The following BBX variants were observed in gnomAD, a reference collection of about 807,000 sequenced individuals.
The protein encoded by BBX is HMG box transcription factor BBX.
BBX carries 30 observed loss-of-function variants against 100.2 expected under a neutral mutation model. The observed-to-expected ratio is 0.30, with a 90% CI of 0.22 to 0.41. BBX has a LOEUF of 0.41. Ranked by LOEUF, BBX falls within the 10% of genes least tolerant of loss-of-function variation. The probability of loss-of-function intolerance (pLI) is 1.00; values close to 1 mark genes in which losing one functional copy is unlikely to be tolerated. For missense variants in BBX, 1,023 were observed against 1,129.8 expected, an observed-to-expected ratio of 0.91 and a Z score of 1.35; for synonymous variants, 376 against 388.1, an observed-to-expected ratio of 0.97 and a Z score of 0.37.
chr3:107,627,481 A>C (rs145856440), intron 2 of BBX, among the ~76,000 whole-genome samples: 2 of 152,342 alleles, frequency 1.3e-5, no homozygotes, highest in African/African-American at 4.8e-5. Context: ...AGTAGCAATT[A>C]GTTTTGAGGC....
At chr3:107,797,085 A>G (rs1576860095) in intron 15 of BBX, among the ~76,000 whole-genome samples, 1 of 152,102 alleles carries the variant, frequency 6.6e-6, no homozygotes, top group African/African-American at 2.4e-5. Flanking sequence ...CCACTTGTTT[A>G]GGAATGTGAA....
intron 2 of BBX, among the ~76,000 whole-genome samples, chr3:107,576,986 G>A (rs967914617): frequency 1.3e-5 from 2 of 151,996 alleles, no homozygotes; most frequent in African/African-American, 4.8e-5. Context: ...TCAGCCTCCT[G>A]AGTAGCTGGG....
chr3:107,598,621 C>A (rs1156810732), intron 2 of BBX, among the ~76,000 whole-genome samples: 3 of 152,166 alleles, frequency 2.0e-5, no homozygotes, highest in Non-Finnish European at 4.4e-5. Flanking sequence ...TATATTAATT[C>A]TTTAGTTTTA....
rs531730115 is a variant in BBX, at chr3:107,694,831, C to T, written c.-9-15621C>T. Among the ~76,000 whole-genome samples the T allele has an allele frequency of 5.9e-5, 9 of 151,682 alleles. 1 individual carries two copies. Among genetic ancestry groups the T allele is most frequent in the African/African-American group, 1.9e-4 (8 of 41,038 alleles). On this transcript the variant is annotated intron_variant, in intron 3 of 17. Transcript: ENST00000325805. ...CTGTGAATCCATCTGGTCCTGGACT[C>T]TTTTTGGTTGGTAAGCTATTGATTA...
intron 2 of BBX, among the ~76,000 whole-genome samples, chr3:107,613,953 T>TG (rs1331273328): frequency 1.5e-5 from 2 of 130,382 alleles, no homozygotes; most frequent in African/African-American, 5.8e-5. Flanking sequence ...TTTTTTTTTT[T>TG]TTTTTTTTTT....
intron 17 of BBX, among the ~76,000 whole-genome samples, chr3:107,804,810 TC>T (rs2070917050): frequency 6.7e-6 from 1 of 148,666 alleles, no homozygotes; most frequent in South Asian, 2.1e-4. Flanking sequence ...GTTTCTTCAT[TC>T]CTTTTTTTTT....
chr3:107,621,092 CCA>C (rs986488876), intron 2 of BBX, among the ~76,000 whole-genome samples: 3 of 152,028 alleles, frequency 2.0e-5, no homozygotes, highest in African/African-American at 7.2e-5. Flanking sequence ...TGGTGAAGGG[CCA>C]CAGTTTTTTT....
At chr3:107,801,389 G>A in intron 17 of BBX, 108 bp downstream of exon 17, 1 of 1,208,796 alleles carries the variant, frequency 8.3e-7, no homozygotes, top group Non-Finnish European at 1.1e-6. Context: ...CTTGGTTCAA[G>A]AGCACTATTG....
At chr3:107,696,738 T>C (rs1412848312) in intron 3 of BBX, among the ~76,000 whole-genome samples, 1 of 151,608 alleles carries the variant, frequency 6.6e-6, no homozygotes, top group African/African-American at 2.4e-5. Context: ...AATCTGAATG[T>C]TGGCCTGCCT....
chr3:107,778,601 A>T (rs927237195), intron 13 of BBX, 82 bp downstream of exon 13: 1 of 1,434,452 alleles, frequency 7.0e-7, no homozygotes, highest in Non-Finnish European at 9.5e-7. Flanking sequence ...CCCTTTAGAC[A>T]TATCATTGGA....
intron 2 of BBX, among the ~76,000 whole-genome samples, chr3:107,625,626 A>T (rs2056112940): frequency 6.6e-6 from 1 of 152,036 alleles, no homozygotes; most frequent in Non-Finnish European, 1.5e-5. Context: ...AACATCAGTT[A>T]TTTTTTTGTA....
intron 9 of BBX, among the ~76,000 whole-genome samples, chr3:107,754,998 G>C (rs1212562056): frequency 6.6e-6 from 1 of 152,194 alleles, no homozygotes; most frequent in African/African-American, 2.4e-5. Context: ...GTTATGTACT[G>C]CAACACAGCA....
rs562318752 is a variant in BBX, at chr3:107,805,653, G to C, written c.*196G>C. Reference sequence around the variant, plus strand: ...TTCTCTCAGAACCCAGAATCTTTGAGGGTAAGGTTATCTGTCTGATACTGA... The same window carrying C: ...TTCTCTCAGAACCCAGAATCTTTGACGGTAAGGTTATCTGTCTGATACTGA... On this transcript the variant is annotated 3_prime_UTR_variant, in exon 18 of 18. Transcript: ENST00000325805. 92 of 1,031,616 alleles carry C rather than the reference G, an allele frequency of 8.9e-5. 1 individual carries two copies. In the South Asian group the frequency reaches 1.5e-3, roughly 17 times the overall value. The allele number at this position is 1,031,616 out of a possible 1,614,324, so 63.9% of individuals were successfully genotyped here.
At chr3:107,696,084 G>T (rs1347794361) in intron 3 of BBX, among the ~76,000 whole-genome samples, 1 of 151,700 alleles carries the variant, frequency 6.6e-6, no homozygotes, top group Non-Finnish European at 1.5e-5. Flanking sequence ...TTGAGCCTAT[G>T]TGTGTCTCTG....
chr3:107,530,054 T>C (rs1559778202), intron 2 of BBX, among the ~76,000 whole-genome samples: 1 of 152,166 alleles, frequency 6.6e-6, no homozygotes, highest in Non-Finnish European at 1.5e-5. Context: ...TTCGAGAATC[T>C]AGATAGTGAA....
chr3:107,698,014 T>A (rs1377338907), intron 3 of BBX, among the ~76,000 whole-genome samples: 1 of 151,944 alleles, frequency 6.6e-6, no homozygotes, highest in Non-Finnish European at 1.5e-5. Flanking sequence ...CCCTGACCCC[T>A]TGCGCTTCCC....
At chr3:107,695,360 G>A in intron 3 of BBX, among the ~76,000 whole-genome samples, 1 of 132,310 alleles carries the variant, frequency 7.6e-6, no homozygotes, top group Non-Finnish European at 1.6e-5. Context: ...TCTACACACT[G>A]CTTTGAATGA....
intron 2 of BBX, among the ~76,000 whole-genome samples, chr3:107,607,413 T>C (rs2054532931): frequency 6.6e-6 from 1 of 152,212 alleles, no homozygotes; most frequent in South Asian, 2.1e-4. Flanking sequence ...CTGAATAGTA[T>C]TCCATTGTGT....
At chr3:107,710,414 C>T in intron 3 of BBX, 38 bp from the exon 4 acceptor site, 3 of 1,493,020 alleles carry the variant, frequency 2.0e-6, no homozygotes, top group South Asian at 2.6e-5. Flanking sequence ...TCTTTCTCTC[C>T]CTGTTTCCCT....
Sources: gnomAD v4.1 joint callset for allele counts (sites outside exome capture counted in the v4.1 genomes callset) on GRCh38, gnomAD v4.1.1 for gene constraint, MANE v1.5 for transcripts, NCBI Gene and HGNC (gene_info 2026-07-23, HGNC 2026-07-21) for gene names.